ATP8A2: variants seen among roughly 807,000 people sequenced by gnomAD.
ATP8A2 encodes ATPase phospholipid transporting 8A2.
A neutral mutation model predicts 165.6 loss-of-function variants in ATP8A2; 100 were observed. That is an observed-to-expected ratio of 0.60 (90% CI 0.51 to 0.71). The LOEUF (loss-of-function observed/expected upper bound fraction) is 0.71, where lower values mean the gene tolerates loss of function less well. Among genes scored for constraint, ATP8A2 ranks in the 30% least tolerant of loss-of-function variants. The pLI, the probability that ATP8A2 is intolerant of heterozygous loss-of-function variation, is 0.00. For missense variants in ATP8A2, 1,227 were observed against 1,479.5 expected (o/e 0.83, Z 2.80); for synonymous variants, 543 against 548.8 (o/e 0.99, Z 0.15).
chr13:25,410,188 T>G (rs2033926865), intron 1 of ATP8A2, among the ~76,000 whole-genome samples: 1 of 151,916 alleles, frequency 6.6e-6, no homozygotes, highest in South Asian at 2.1e-4. Context: ...GTAAAAGAAT[T>G]TATGTAGACA....
In ATP8A2 at chr13:25,687,390, A is replaced by G. The variant is rs576939227; in HGVS notation, c.2212-11783A>G. Among the ~76,000 whole-genome samples the G allele has an allele frequency of 2.0e-5, 3 of 152,270 alleles. No homozygotes were observed. The South Asian group carries it at 6.2e-4, about 32-fold the overall frequency. On this transcript the variant is annotated intron_variant, in intron 24 of 36. Coordinates refer to ENST00000381655, the MANE Select transcript of ATP8A2 (RefSeq NM_016529.6). ...GTTCATTTGAAATTTACAGACACTA[A>G]TGGGGGCATAGTGGTGGAAGTGACT...
intron 33 of ATP8A2, among the ~76,000 whole-genome samples, chr13:25,885,316 T>C (rs1953111043): frequency 6.6e-6 from 1 of 152,016 alleles, no homozygotes; most frequent in Non-Finnish European, 1.5e-5. Flanking sequence ...TTTCACCATG[T>C]TGGCCAGGCT....
At chr13:25,610,444 T>C (rs2040653213) in intron 24 of ATP8A2, among the ~76,000 whole-genome samples, 1 of 152,244 alleles carries the variant, frequency 6.6e-6, no homozygotes, top group African/African-American at 2.4e-5. Flanking sequence ...GCTTTATTTC[T>C]GGGTTCTGTA....
intron 1 of ATP8A2, among the ~76,000 whole-genome samples, chr13:25,378,671 A>G (rs1005050417): frequency 1.3e-4 from 20 of 152,142 alleles, no homozygotes; most frequent in African/African-American, 4.3e-4. Flanking sequence ...GAATAGCTAC[A>G]GGGTTCCAAA....
chr13:25,630,980 G>C (rs1203829137), intron 24 of ATP8A2, among the ~76,000 whole-genome samples: 1 of 152,170 alleles, frequency 6.6e-6, no homozygotes, highest in Non-Finnish European at 1.5e-5. Flanking sequence ...ATAGGTTTCA[G>C]TGTGAAATAA....
intron 2 of ATP8A2, 34 bp from the exon 3 acceptor site, chr13:25,529,965 T>C: frequency 8.2e-7 from 1 of 1,212,928 alleles, no homozygotes. Flanking sequence ...TTTACATCTA[T>C]AACTGATAGT....
chr13:25,516,758 TCTTTCTTTCTTC>T (rs764287387), intron 2 of ATP8A2, among the ~76,000 whole-genome samples: 114 of 151,948 alleles, frequency 7.5e-4, no homozygotes, highest in Admixed American at 2.3e-3. Flanking sequence ...TCACATTTTT[TCTTTCTTTCTTC>T]CTTTCTTTCT....
rs374879919 is a variant in ATP8A2 at position 25,564,043 on chromosome 13, G to A, written c.1473+12G>A. 5.8e-5 allele frequency: 93 copies of A among 1,597,126 alleles called. No individual in the cohort carries two copies. In the African/African-American group the frequency reaches 1.0e-3, roughly 18 times the overall value. ...TTGAGGATCGCCATGTAAGTGCTCT[G>A]TTTTACTTCGAAGACAGCAAACAGC... On this transcript the variant is annotated intron_variant, in intron 16 of 36. Coordinates refer to ENST00000381655, the MANE Select transcript of ATP8A2 (RefSeq NM_016529.6).
At chr13:25,956,171 T>G (rs1224254104) in intron 33 of ATP8A2, among the ~76,000 whole-genome samples, 1 of 152,216 alleles carries the variant, frequency 6.6e-6, no homozygotes, top group Admixed American at 6.5e-5. Flanking sequence ...TCATACTGAA[T>G]GGGCAAAAGC....
In ATP8A2 at chr13:25,961,682, C is replaced by G; in HGVS notation, c.3272+19C>G. ...GGAGAGCGTAAGTTTAACAGTGAAG[C>G]GGGGACCCTAAGTCTGGCTCATCTG... On this transcript the variant is annotated intron_variant, in intron 34 of 36. Coordinates refer to ENST00000381655, the MANE Select transcript of ATP8A2 (RefSeq NM_016529.6). The G allele has an allele frequency of 6.3e-7, 1 of 1,578,136 alleles. No homozygotes were observed. The highest frequency in any genetic ancestry group is 1.7e-4 in the Middle Eastern group (1 of 5,986).
chr13:25,521,731 G>A (rs952596128), intron 2 of ATP8A2, among the ~76,000 whole-genome samples: 4 of 151,418 alleles, frequency 2.6e-5, no homozygotes, highest in Non-Finnish European at 5.9e-5. Context: ...TTTTTTAAGA[G>A]ATGGGGTCTC....
intron 16 of ATP8A2, 67 bp from the exon 17 acceptor site, chr13:25,570,700 G>A (rs906340690): frequency 1.9e-5 from 24 of 1,253,386 alleles, no homozygotes; most frequent in Non-Finnish European, 2.5e-5. Context: ...TTGGGGATCT[G>A]CTTGTGTGAG....
chr13:25,882,742 G>C (rs1248431745), intron 33 of ATP8A2, among the ~76,000 whole-genome samples: 3 of 152,110 alleles, frequency 2.0e-5, no homozygotes, highest in Non-Finnish European at 4.4e-5. Context: ...GAAGCTCATT[G>C]AATATTATGA....
chr13:25,891,337 G>A (rs1231816545), intron 33 of ATP8A2, among the ~76,000 whole-genome samples: 1 of 151,944 alleles, frequency 6.6e-6, no homozygotes, highest in Admixed American at 6.6e-5. Context: ...GTTTTGTTTT[G>A]TTTGAGACAC....
intron 33 of ATP8A2, among the ~76,000 whole-genome samples, chr13:25,956,428 G>A (rs1955522996): frequency 1.3e-5 from 2 of 152,116 alleles, no homozygotes; most frequent in African/African-American, 4.8e-5. Context: ...AAAGTCTCAG[G>A]ATACAAAATC....
chr13:25,823,321 A>G (rs1295989571), intron 27 of ATP8A2, among the ~76,000 whole-genome samples: 2 of 151,522 alleles, frequency 1.3e-5, no homozygotes, highest in Admixed American at 1.3e-4. Flanking sequence ...AAGCTAAGAA[A>G]CTGATCTTCT....
At position 25,570,845 on chromosome 13, in the gene ATP8A2, A is replaced by G; in HGVS notation, c.1552A>G (p.Asn518Asp). Residue 518 changes from asparagine (N) to aspartate (D), a missense_variant, in exon 17 of 37, where the codon AAC becomes GAC. Physicochemically the swap from Asn to Asp is conservative, Grantham distance 23. Transcript: ENST00000381655. ...HTVVPEKDGD[N>D]IIYQASSPDE... ...GGTTGTTCCTGAGAAGGATGGAGAT[A>G]ACATCATCTACCAGGCCTCTTCCCC... The G allele has an allele frequency of 6.2e-7, 1 of 1,613,596 alleles. No homozygotes were observed. Among genetic ancestry groups the G allele is most frequent in the Non-Finnish European group, 8.5e-7 (1 of 1,179,636 alleles).
At chr13:25,426,223 G>A (rs778132209) in intron 1 of ATP8A2, among the ~76,000 whole-genome samples, 2 of 152,200 alleles carry the variant, frequency 1.3e-5, no homozygotes. Context: ...CATGGTGCCC[G>A]CATCTGCTTC....
intron 33 of ATP8A2, among the ~76,000 whole-genome samples, chr13:25,885,262 A>T (rs1953109434): frequency 7.3e-6 from 1 of 136,458 alleles, no homozygotes. Flanking sequence ...ACAGGTGCCC[A>T]CCAGCATGCC....
Sources: allele counts gnomAD v4.1 joint callset (sites outside exome capture counted in the v4.1 genomes callset), GRCh38; gene constraint gnomAD v4.1.1; transcripts MANE v1.5; gene names NCBI Gene and HGNC (gene_info 2026-07-23, HGNC 2026-07-21).